AMOTL2: variants seen among roughly 807,000 people sequenced by gnomAD.
The protein encoded by AMOTL2 is angiomotin like 2.
A neutral mutation model predicts 78.4 loss-of-function variants in AMOTL2; 33 were observed. The observed-to-expected ratio is 0.42, with a 90% confidence interval of 0.32 to 0.56. AMOTL2 has a LOEUF of 0.56. Among genes scored for constraint, AMOTL2 ranks in the 20% least tolerant of loss-of-function variants. The probability of loss-of-function intolerance (pLI) is 0.12; values close to 1 mark genes in which losing one functional copy is unlikely to be tolerated. For synonymous variants in AMOTL2, 422 were observed against 428.8 expected (o/e 0.98, Z 0.20); for missense variants, 983 against 1,030.1 (o/e 0.95, Z 0.63).
At chr3:134,373,260 A>C (rs188353256) in intron 1 of AMOTL2, among the ~76,000 whole-genome samples, 207 of 152,196 alleles carry the variant, frequency 1.4e-3, no homozygotes, top group Non-Finnish European at 2.1e-3. Flanking sequence ...CTGGAGTTTT[A>C]TCTGCGGGCA....
At chr3:134,372,530 A>AACACACACACACACACACACACAC (rs58443336) in intron 1 of AMOTL2, among the ~76,000 whole-genome samples, 69 of 144,438 alleles carry the variant, frequency 4.8e-4, no homozygotes, top group South Asian at 1.8e-3. Context: ...TATCCTCCCC[A>AACACACACACACACACACACACAC]ACACACACAC....
At chr3:134,374,905 G>A, upstream of AMOTL2, 1 of 1,053,930 alleles carries the variant, frequency 9.5e-7, no homozygotes. Context: ...CTCCGGCTGT[G>A]TGTGTGTGTG....
rs569708164 is a variant in AMOTL2, at chr3:134,361,611, C to A, written c.1476G>T (p.Ala492=). 6.8e-6 allele frequency: 11 copies of A among 1,612,914 alleles called. No homozygotes were observed. Among genetic ancestry groups the A allele is most frequent in the Middle Eastern group, 1.7e-4 (1 of 6,060 alleles). Residue 492 remains alanine (A), a synonymous_variant, in exon 6 of 10, where the codon GCG becomes GCT. Coordinates refer to ENST00000249883, the MANE Select transcript of AMOTL2 (RefSeq NM_016201.4). ...YVEKVERLQQ[A]LGQLQAACEK... The stretch of plus-strand genomic sequence containing the variant: ...CACAGGCTGCCTGCAGCTGCCCGAG[C>A]GCCTGCTGCAGCCGCTCCACTTTCT...
chr3:134,361,241 C>T (rs2017346535), intron 6 of AMOTL2, among the ~76,000 whole-genome samples: 1 of 152,158 alleles, frequency 6.6e-6, no homozygotes, highest in African/African-American at 2.4e-5. Flanking sequence ...TCAAGGACAA[C>T]TAGCCCTGCT....
At chr3:134,370,082 T>A (rs534102583) in intron 2 of AMOTL2, among the ~76,000 whole-genome samples, 2 of 152,314 alleles carry the variant, frequency 1.3e-5, no homozygotes, top group Admixed American at 1.3e-4. Context: ...CAGCCTCTCC[T>A]GAGCCTCACC....
intron 5 of AMOTL2, among the ~76,000 whole-genome samples, chr3:134,362,657 T>C (rs1423240432): frequency 1.3e-5 from 2 of 152,222 alleles, no homozygotes; most frequent in Admixed American, 6.5e-5. Context: ...AGGGTCAAGC[T>C]ATCCTGACTT....
rs1281112942 is a variant in AMOTL2, at chr3:134,357,695, A to T, written c.*10T>A. On this transcript the variant is annotated 3_prime_UTR_variant, in exon 10 of 10. Transcript: ENST00000249883. ...AGAGAATGGCTCAGAGTCCTGAAGCACCACCTCCTTCAGATCAGTATCTCC... is the reference window on the plus strand; with the variant it reads ...AGAGAATGGCTCAGAGTCCTGAAGCTCCACCTCCTTCAGATCAGTATCTCC... 2.5e-6 allele frequency: 4 copies of T among 1,614,098 alleles called. No homozygotes were observed. The highest frequency in any genetic ancestry group is 1.3e-5 in the African/African-American group (1 of 75,046).
chr3:134,372,566 C>A lies in AMOTL2; in HGVS notation c.-61-1072G>T, dbSNP rs550055433. ...ACACACACACACACACAAACACACA[C>A]ACACGCTACTTGGAAAAGCCCCCAC... On this transcript the variant is annotated intron_variant, in intron 1 of 9. Transcript: ENST00000249883. 9.3e-3 allele frequency among the ~76,000 whole-genome samples: 1,401 copies of A among 150,488 alleles called. 23 individuals carry two copies. The highest frequency in any genetic ancestry group is 0.033 in the African/African-American group (1,348 of 41,080).
In AMOTL2 at chr3:134,358,526, T is replaced by A. The variant is rs1202035110; in HGVS notation, c.2284+14A>T. The stretch of plus-strand genomic sequence containing the variant: ...GGCCCTACCTAGCACAGAAGTGGGG[T>A]CAGGAGGACTTACCCAGAGAGGCTG... On this transcript the variant is annotated intron_variant, in intron 9 of 9. Transcript: ENST00000249883. 2 of 1,608,776 alleles carry A rather than the reference T, an allele frequency of 1.2e-6. No individual in the cohort carries two copies. Among genetic ancestry groups the A allele is most frequent in the Admixed American group, 1.7e-5 (1 of 59,210 alleles).
chr3:134,358,162 CTCTTTAAACAGGCTT>C (rs2017155806), intron 9 of AMOTL2, among the ~76,000 whole-genome samples: 1 of 152,234 alleles, frequency 6.6e-6, no homozygotes, highest in African/African-American at 2.4e-5. Context: ...CCTTCCCGGA[CTCTTTAAACAGGCTT>C]CCAGAGTGCC....
upstream of AMOTL2, chr3:134,375,250 C>T (rs2018043551): frequency 6.5e-7 from 1 of 1,535,662 alleles, no homozygotes; most frequent in Non-Finnish European, 8.7e-7. Flanking sequence ...TAATAGGCGC[C>T]CCTTTACGCA....
chr3:134,365,808 C>G lies in AMOTL2; in HGVS notation c.1279+9G>C. 1 of 1,613,540 alleles carries G rather than the reference C, an allele frequency of 6.2e-7. No homozygotes were observed. The highest frequency in any genetic ancestry group is 8.5e-7 in the Non-Finnish European group (1 of 1,179,804). The stretch of plus-strand genomic sequence containing the variant: ...ACAGGCCAGGCTTCTTAGTGGGGCC[C>G]CTACTCACTCTGAGCAAGCAGCTTG... On this transcript the variant is annotated intron_variant, in intron 5 of 9. Coordinates refer to ENST00000249883, the MANE Select transcript of AMOTL2 (RefSeq NM_016201.4).
intron 1 of AMOTL2, chr3:134,373,757 T>C: frequency 1.0e-6 from 1 of 985,466 alleles, no homozygotes; most frequent in South Asian, 4.7e-5. Flanking sequence ...GAGAGGTCTT[T>C]AAGCATCGCG....
chr3:134,367,977 A>G, intron 2 of AMOTL2, 174 bp from the exon 3 acceptor site: 1 of 554,516 alleles, frequency 1.8e-6, no homozygotes, highest in Non-Finnish European at 3.0e-6. Context: ...AGTGTTAGGC[A>G]GGGACCAGTA....
rs538290738 is a variant in AMOTL2, at chr3:134,358,447, G to A, written c.2284+93C>T. On this transcript the variant is annotated intron_variant, in intron 9 of 9. Transcript: ENST00000249883. ...CATGGAGTGCGGGCAATGACCCGGA[G>A]GGGGTCTGGGAAGAAAAGGCCTTGT... 1.6e-5 allele frequency: 23 copies of A among 1,445,332 alleles called. No homozygotes were observed. The East Asian group carries it at 5.4e-4, about 34-fold the overall frequency. 89.5% of individuals were successfully genotyped at this position (1,445,332 alleles called of 1,614,324 possible).
In AMOTL2 at chr3:134,371,532, C is replaced by T. The variant is rs752249839; in HGVS notation, c.-61-38G>A. 2.6e-6 allele frequency: 4 copies of T among 1,557,584 alleles called. No individual in the cohort carries two copies. In the African/African-American group the frequency reaches 5.4e-5, roughly 21 times the overall value. Reference sequence around the variant, plus strand: ...GGGGAGAGAGAGAGAGAAAAGCAATCAGTGGGAACCCATGGGAAAGGAGAA... The same window carrying T: ...GGGGAGAGAGAGAGAGAAAAGCAATTAGTGGGAACCCATGGGAAAGGAGAA... On this transcript the variant is annotated intron_variant, in intron 1 of 9. Coordinates refer to ENST00000249883, the MANE Select transcript of AMOTL2 (RefSeq NM_016201.4).
chr3:134,360,324 C>G lies in AMOTL2; in HGVS notation c.1665G>C (p.Lys555Asn), dbSNP rs1319147024. Reference sequence around the variant, plus strand: ...CCTCCAGCGCCAGGATCTGCTCCTCCTTCTCTCGCAGTTGTTCTGACAGTC... The same window carrying G: ...CCTCCAGCGCCAGGATCTGCTCCTCGTTCTCTCGCAGTTGTTCTGACAGTC... ...ALRLSEQLRE[K>N]EEQILALEAD... Residue 555 changes from lysine (K) to asparagine (N), a missense_variant, in exon 7 of 10, where the codon AAG (lysine) becomes AAC (asparagine). Coordinates refer to ENST00000249883, the MANE Select transcript of AMOTL2 (RefSeq NM_016201.4). 6.2e-7 allele frequency: 1 copy of G among 1,614,142 alleles called. No homozygotes were observed. Among genetic ancestry groups the G allele is most frequent in the African/African-American group, 1.3e-5 (1 of 74,952 alleles).
In AMOTL2 at chr3:134,371,307, C is replaced by A. The variant is rs1170645279; in HGVS notation, c.127G>T (p.Ala43Ser). The stretch of plus-strand genomic sequence containing the variant: ...GGGCTCCCTGTACCCCCAGTTCCAG[C>A]CCCACCCCTCAGGGCCTGCTGCTGG... ...AIQQQALRGG[A>S]GTGGTGSPQA... The change falls in exon 2 of 10, where the codon GCT (alanine) becomes TCT (serine). Residue 43 changes from alanine (A) to serine (S), a missense_variant. By Grantham distance (99) the Ala-to-Ser change is moderately conservative. Coordinates refer to ENST00000249883, the MANE Select transcript of AMOTL2 (RefSeq NM_016201.4). 6.2e-7 allele frequency: 1 copy of A among 1,612,102 alleles called. No individual in the cohort carries two copies. Among genetic ancestry groups the A allele is most frequent in the Non-Finnish European group, 8.5e-7 (1 of 1,180,026 alleles).
intron 7 of AMOTL2, 107 bp from the exon 8 acceptor site, chr3:134,359,610 A>C (rs1576573821): frequency 7.8e-5 from 67 of 862,790 alleles, no homozygotes; most frequent in Non-Finnish European, 1.1e-4. Context: ...AACTCCCCCA[A>C]CCCTGCCAGG....
Sources: allele counts gnomAD v4.1 joint callset (sites outside exome capture counted in the v4.1 genomes callset), GRCh38; gene constraint gnomAD v4.1.1; transcripts MANE v1.5; gene names NCBI Gene and HGNC (gene_info 2026-07-23, HGNC 2026-07-21).